HSPA14: variants seen among roughly 807,000 people sequenced by gnomAD.
The protein encoded by HSPA14 is heat shock protein family A (Hsp70) member 14.
In HSPA14, 37 loss-of-function variants were observed where a neutral mutation model predicts 65.5. That is an observed-to-expected ratio of 0.56 (90% confidence interval 0.43 to 0.74). HSPA14 has a LOEUF of 0.74. HSPA14 is among the 30% of genes least tolerant of loss of function. The probability of loss-of-function intolerance (pLI) is 0.00; values close to 1 mark genes in which losing one functional copy is unlikely to be tolerated. For missense variants in HSPA14, 564 were observed against 607.6 expected, an observed-to-expected ratio of 0.93 and a Z score of 0.75; for synonymous variants, 203 against 214.2, an observed-to-expected ratio of 0.95 and a Z score of 0.46.
intron 10 of HSPA14, among the ~76,000 whole-genome samples, chr10:14,859,462 C>T (rs572232164): frequency 6.6e-6 from 1 of 152,318 alleles, no homozygotes; most frequent in East Asian, 1.9e-4. Flanking sequence ...ATTTCTCTTC[C>T]ATTTATTTTG....
chr10:14,868,910 G>C (rs1260216472), intron 12 of HSPA14, among the ~76,000 whole-genome samples: 1 of 152,040 alleles, frequency 6.6e-6, no homozygotes, highest in Non-Finnish European at 1.5e-5. Context: ...GCAGTGGCAC[G>C]ATCTCGGCTC....
chr10:14,849,360 TG>T (rs1268211597), intron 5 of HSPA14: 1 of 482,884 alleles, frequency 2.1e-6, no homozygotes, highest in Admixed American at 2.3e-5. Flanking sequence ...GTTAAGAACT[TG>T]GGGGTTGGAA....
intron 3 of HSPA14, chr10:14,846,522 T>C (rs192173959): frequency 1.0e-6 from 1 of 985,386 alleles, no homozygotes; most frequent in Non-Finnish European, 1.2e-6. Flanking sequence ...AGGGAGACAG[T>C]GTGCAAGAAA....
At chr10:14,869,232 C>T (rs1023171494) in intron 12 of HSPA14, among the ~76,000 whole-genome samples, 16 of 144,726 alleles carry the variant, frequency 1.1e-4, no homozygotes, top group African/African-American at 3.5e-4. Context: ...TGTACGTGTA[C>T]GTGTGTGTGT....
chr10:14,845,999 T>C, intron 3 of HSPA14: 2 of 934,962 alleles, frequency 2.1e-6, no homozygotes, highest in Non-Finnish European at 2.6e-6. Flanking sequence ...AATTGTAATA[T>C]TTTCTGTCAC....
chr10:14,840,410 AT>A (rs935618233), intron 3 of HSPA14, among the ~76,000 whole-genome samples: 11 of 152,228 alleles, frequency 7.2e-5, no homozygotes, highest in Admixed American at 2.0e-4. Context: ...AGAGGTGGTA[AT>A]TTGGATTGTT....
rs867502113 is a variant in HSPA14 at position 14,859,280 on chromosome 10, G to A, written c.993+3337G>A. Among the ~76,000 whole-genome samples, 6 of 152,248 alleles carry A rather than the reference G, an allele frequency of 3.9e-5. No individual in the cohort carries two copies. In the South Asian group the frequency reaches 6.2e-4, roughly 16 times the overall value. On this transcript the variant is annotated intron_variant, in intron 10 of 13. Transcript: ENST00000378372. The stretch of plus-strand genomic sequence containing the variant: ...GGGGGCAGGTGCAGCCACTCCACAC[G>A]TGTGCTTTCCAGCCCTTGTGTTTTC...
chr10:14,854,204 T>C lies in HSPA14; in HGVS notation c.814T>C (p.Leu272=), dbSNP rs145454140. ...CAGTGCTGAAGTAGCGAAACATTCT[T>C]TGTCAACCTTGGGAAGTGCCAACTG... ...TNSAEVAKHS[L]STLGSANCFL... is the part of the protein sequence containing the mutation. Residue 272 remains leucine, a synonymous_variant, in exon 9 of 14, where the codon TTG becomes CTG. Coordinates refer to ENST00000378372, the MANE Select transcript of HSPA14 (RefSeq NM_016299.4). The C allele has an allele frequency of 3.5e-5, 56 of 1,613,704 alleles. No homozygotes were observed. Among genetic ancestry groups the C allele is most frequent in the Non-Finnish European group, 4.5e-5 (53 of 1,179,880 alleles).
intron 10 of HSPA14, among the ~76,000 whole-genome samples, chr10:14,861,325 T>A (rs1832748774): frequency 6.6e-6 from 1 of 152,164 alleles, no homozygotes; most frequent in Non-Finnish European, 1.5e-5. Flanking sequence ...AAAACAAATG[T>A]AAGTTCTGAT....
At chr10:14,866,160 T>C (rs1832805215) in intron 10 of HSPA14, among the ~76,000 whole-genome samples, 1 of 152,208 alleles carries the variant, frequency 6.6e-6, no homozygotes, top group Non-Finnish European at 1.5e-5. Context: ...CCTGGGATCA[T>C]AAAATTTTAG....
intron 3 of HSPA14, chr10:14,845,598 A>ATTAT: frequency 1.4e-6 from 1 of 704,600 alleles, no homozygotes; most frequent in Non-Finnish European, 1.7e-6. Flanking sequence ...TATTATTATT[A>ATTAT]TTTTTTTTTT....
rs61749161 is a variant in HSPA14, at chr10:14,854,194, G to A, written c.804G>A (p.Ala268=). The change falls in exon 9 of 14, where the codon GCG becomes GCA. Residue 268 remains alanine (A), a synonymous_variant. Coordinates refer to ENST00000378372, the MANE Select transcript of HSPA14 (RefSeq NM_016299.4). ...MMKLTNSAEV[A]KHSLSTLGSA... ...AATTAACGAACAGTGCTGAAGTAGCGAAACATTCTTTGTCAACCTTGGGAA... is the reference window on the plus strand; with the variant it reads ...AATTAACGAACAGTGCTGAAGTAGCAAAACATTCTTTGTCAACCTTGGGAA... 6,095 of 1,613,624 alleles carry A rather than the reference G, an allele frequency of 3.8e-3. 15 individuals are homozygous for A. Among genetic ancestry groups the A allele is most frequent in the Non-Finnish European group, 4.8e-3 (5,630 of 1,179,742 alleles).
chr10:14,860,319 G>C (rs1219576293), intron 10 of HSPA14, among the ~76,000 whole-genome samples: 1 of 152,102 alleles, frequency 6.6e-6, no homozygotes, highest in Non-Finnish European at 1.5e-5. Flanking sequence ...CTAGACACCT[G>C]GGATACAGTA....
In HSPA14 at chr10:14,849,683, T is replaced by C. The variant is rs779712213; in HGVS notation, c.377-38T>C. 20 of 1,402,142 alleles carry C rather than the reference T, an allele frequency of 1.4e-5. No homozygotes were observed. The Admixed American group carries it at 3.9e-4, about 27-fold the overall frequency. 86.9% of individuals were successfully genotyped at this position (1,402,142 alleles called of 1,614,324 possible). ...CCTCAGAAAGTATCACTTGTCATTTTCTTCTGTCATCAGAATTTTATATTT... is the reference window on the plus strand; with the variant it reads ...CCTCAGAAAGTATCACTTGTCATTTCCTTCTGTCATCAGAATTTTATATTT... On this transcript the variant is annotated intron_variant, in intron 5 of 13. Transcript: ENST00000378372.
At chr10:14,845,449 G>A (rs573114702) in intron 3 of HSPA14, 13 of 985,346 alleles carry the variant, frequency 1.3e-5, no homozygotes, top group Non-Finnish European at 1.4e-5. Flanking sequence ...ATGAGTAGAC[G>A]GCAAGCGAGC....
intron 3 of HSPA14, chr10:14,847,018 ACTT>A (rs1834064327): frequency 1.0e-6 from 1 of 985,450 alleles, no homozygotes; most frequent in African/African-American, 1.7e-5. Flanking sequence ...TCAGTCCACT[ACTT>A]TGTGATGATG....
At chr10:14,841,615 T>C (rs912012568) in intron 3 of HSPA14, among the ~76,000 whole-genome samples, 1 of 152,230 alleles carries the variant, frequency 6.6e-6, no homozygotes, top group East Asian at 1.9e-4. Context: ...ACTGTTTGTT[T>C]TATGCTGCTG....
chr10:14,851,269 C>T lies in HSPA14; in HGVS notation c.518C>T (p.Pro173Leu), dbSNP rs753596081. ...AATGTTTTGCGATTAATTCACGAAC[C>T]GTCTGCAGCTCTTCTTGCTTATGGA... ...GFNVLRLIHEPSAALLAYGIG... is the reference protein window; with the variant it reads ...GFNVLRLIHELSAALLAYGIG... The change falls in exon 7 of 14, where the codon CCG (proline) becomes CTG (leucine). Residue 173 changes from proline (P) to leucine (L), a missense_variant. Physicochemically the swap from Pro to Leu is moderately conservative, Grantham distance 98. Transcript: ENST00000378372. The T allele has an allele frequency of 1.2e-5, 20 of 1,612,452 alleles. No homozygotes were observed. The African/African-American group carries it at 1.3e-4, about 11-fold the overall frequency.
At chr10:14,847,855 T>G (rs1834073822) in intron 3 of HSPA14, among the ~76,000 whole-genome samples, 1 of 152,196 alleles carries the variant, frequency 6.6e-6, no homozygotes, top group Non-Finnish European at 1.5e-5. Context: ...AGAAGAACTG[T>G]GATCATTTAC....
Sources: allele counts gnomAD v4.1 joint callset (sites outside exome capture counted in the v4.1 genomes callset), GRCh38; gene constraint gnomAD v4.1.1; transcripts MANE v1.5; gene names NCBI Gene and HGNC (gene_info 2026-07-23, HGNC 2026-07-21).